The following RAD51B variants were observed in gnomAD, a reference collection of about 807,000 sequenced individuals.
The protein encoded by RAD51B is RAD51 paralog B.
A neutral mutation model predicts 42.2 loss-of-function variants in RAD51B; 38 were observed. The observed-to-expected ratio is 0.90, with a 90% CI of 0.70 to 1.18. The LOEUF (loss-of-function observed/expected upper bound fraction) is 1.18, where lower values mean the gene tolerates loss of function less well. Among genes scored for constraint, RAD51B ranks in the 50% most tolerant of loss-of-function variants. The pLI is 0.00. For missense variants in RAD51B, 373 were observed against 400.7 expected, an observed-to-expected ratio of 0.93 and a Z score of 0.59; for synonymous variants, 154 against 145.2, an observed-to-expected ratio of 1.06 and a Z score of -0.43.
chr14:68,127,341 A>T (rs1309857086), intron 7 of RAD51B, among the ~76,000 whole-genome samples: 1 of 152,132 alleles, frequency 6.6e-6, no homozygotes, highest in Non-Finnish European at 1.5e-5. Context: ...CACTATTCAC[A>T]TACTGTTTCA....
At chr14:68,164,370 A>G (rs2078706258) in intron 7 of RAD51B, among the ~76,000 whole-genome samples, 1 of 152,240 alleles carries the variant, frequency 6.6e-6, no homozygotes, top group Non-Finnish European at 1.5e-5. Flanking sequence ...CAACTGTCTA[A>G]TAATGGGAGC....
chr14:68,367,233 G>A (rs2083160620), intron 8 of RAD51B, among the ~76,000 whole-genome samples: 1 of 152,184 alleles, frequency 6.6e-6, no homozygotes, highest in African/African-American at 2.4e-5. Flanking sequence ...ACCATTTTGG[G>A]ACTGAAAGAT....
At chr14:68,371,442 C>CCT (rs1428891167) in intron 8 of RAD51B, among the ~76,000 whole-genome samples, 1 of 151,786 alleles carries the variant, frequency 6.6e-6, no homozygotes, top group East Asian at 1.9e-4. Flanking sequence ...TGCTTGAACG[C>CCT]GGGAGGCGGA....
intron 11 of RAD51B, among the ~76,000 whole-genome samples, chr14:68,673,570 A>G (rs1004372031): frequency 3.3e-5 from 5 of 151,710 alleles, no homozygotes; most frequent in Admixed American, 1.3e-4. Flanking sequence ...GTATGCACAC[A>G]CATACACATA....
chr14:68,112,116 T>C (rs2077469533), intron 7 of RAD51B, among the ~76,000 whole-genome samples: 1 of 152,128 alleles, frequency 6.6e-6, no homozygotes. Flanking sequence ...CCTTTGGGGC[T>C]TTACTGTGGA....
At position 67,927,798 on chromosome 14, in the gene RAD51B, T is replaced by TAAAAGA. The variant is rs1439850489; in HGVS notation, c.756+40594_756+40595insAAAAGA. Among the ~76,000 whole-genome samples the TAAAAGA allele has an allele frequency of 1.5e-3, 220 of 149,450 alleles. 2 individuals are homozygous for TAAAAGA. The highest frequency in any genetic ancestry group is 5.5e-3 in the African/African-American group (215 of 39,070). On this transcript the variant is annotated intron_variant, in intron 7 of 10. Coordinates refer to ENST00000471583, the MANE Select transcript of RAD51B (RefSeq NM_133510.4). ...ATACACATATATAATGTGTGTGTCT[T>TAAAAGA]TTATGGTTCCATACAAATTTTAGGA...
chr14:68,500,933 ACT>A, intron 10 of RAD51B, among the ~76,000 whole-genome samples: 1 of 152,082 alleles, frequency 6.6e-6, no homozygotes, highest in South Asian at 2.1e-4. Flanking sequence ...CCTGGGGCAA[ACT>A]CAGTTTCTGG....
chr14:68,638,992 A>C (rs1377795583), intron 10 of RAD51B, among the ~76,000 whole-genome samples: 1 of 152,164 alleles, frequency 6.6e-6, no homozygotes, highest in Non-Finnish European at 1.5e-5. Flanking sequence ...ATTGTCCTTC[A>C]GTCTGGAGGT....
At chr14:68,494,101 C>T (rs1004102948) in intron 10 of RAD51B, among the ~76,000 whole-genome samples, 9 of 151,894 alleles carry the variant, frequency 5.9e-5, no homozygotes, top group Non-Finnish European at 1.3e-4. Context: ...CATGGTGAAA[C>T]CCTGTCTCTA....
At position 68,477,641 on chromosome 14, in the gene RAD51B, C is replaced by A. The variant is rs780432588; in HGVS notation, c.1037-7C>A. 18 of 1,468,158 alleles carry A rather than the reference C, an allele frequency of 1.2e-5. No individual in the cohort carries two copies. The highest frequency in any genetic ancestry group is 1.4e-5 in the Non-Finnish European group (16 of 1,107,662). The allele number at this position is 1,468,158 out of a possible 1,614,324, so 90.9% of individuals were successfully genotyped here. On this transcript the variant is annotated splice_region_variant and splice_polypyrimidine_tract_variant and intron_variant, in intron 10 of 10. Transcript: ENST00000471583. ...CAAACTTTCTCTTTTTTTTTTTTTT[C>A]CTTTAGGCCAAGAGAAGCCATAGGG...
At chr14:68,048,213 G>A (rs1233021045) in intron 7 of RAD51B, among the ~76,000 whole-genome samples, 2 of 152,144 alleles carry the variant, frequency 1.3e-5, no homozygotes, top group Non-Finnish European at 2.9e-5. Flanking sequence ...ATTTTTTCAT[G>A]TGTCTGTTGG....
intron 7 of RAD51B, among the ~76,000 whole-genome samples, chr14:67,905,730 A>G (rs909428937): frequency 4.6e-5 from 7 of 152,066 alleles, no homozygotes; most frequent in African/African-American, 1.2e-4. Context: ...TTGTTGGTGT[A>G]TAGAAATGCT....
At chr14:68,644,860 T>A (rs930487984) in intron 10 of RAD51B, among the ~76,000 whole-genome samples, 5 of 152,136 alleles carry the variant, frequency 3.3e-5, no homozygotes, top group African/African-American at 1.2e-4. Flanking sequence ...ACCTATAATA[T>A]CAGTACTCAG....
intron 7 of RAD51B, among the ~76,000 whole-genome samples, chr14:67,897,704 C>T (rs1475883355): frequency 6.6e-6 from 1 of 150,966 alleles, no homozygotes; most frequent in African/African-American, 2.4e-5. Flanking sequence ...GTCTGGAGTG[C>T]AATGGCGCCA....
At chr14:67,899,279 G>A (rs2043531080) in intron 7 of RAD51B, among the ~76,000 whole-genome samples, 2 of 151,652 alleles carry the variant, frequency 1.3e-5, no homozygotes, top group Admixed American at 6.6e-5. Context: ...TTGATCTCCT[G>A]ACCTCGTGAT....
chr14:67,892,684 T>C (rs768105359), intron 7 of RAD51B, among the ~76,000 whole-genome samples: 3 of 152,184 alleles, frequency 2.0e-5, no homozygotes, highest in Non-Finnish European at 4.4e-5. Flanking sequence ...AACAGTGTGA[T>C]TTATGGTGAA....
At chr14:68,480,232 C>A (rs1297861325), downstream of RAD51B, among the ~76,000 whole-genome samples, 1 of 152,004 alleles carries the variant, frequency 6.6e-6, no homozygotes, top group Non-Finnish European at 1.5e-5. Context: ...GCCACCATGC[C>A]CGGTTAACTT....
At chr14:67,884,224 A>C (rs551105033) in intron 5 of RAD51B, among the ~76,000 whole-genome samples, 15 of 152,318 alleles carry the variant, frequency 9.8e-5, no homozygotes, top group Admixed American at 3.9e-4. Flanking sequence ...AAGGTTGTTC[A>C]TGTCTATCCA....
chr14:68,244,652 T>C (rs997432333), intron 7 of RAD51B, among the ~76,000 whole-genome samples: 1 of 152,188 alleles, frequency 6.6e-6, no homozygotes, highest in Non-Finnish European at 1.5e-5. Context: ...AGTCTTGGCA[T>C]CAGTATTGGT....
Sources: allele counts gnomAD v4.1 joint callset (sites outside exome capture counted in the v4.1 genomes callset), GRCh38; gene constraint gnomAD v4.1.1; transcripts MANE v1.5; gene names NCBI Gene and HGNC (gene_info 2026-07-23, HGNC 2026-07-21).